NLRP11: variants seen among roughly 807,000 people sequenced by gnomAD.
NLRP11 encodes the protein NACHT, LRR and PYD domains-containing protein 11.
Under a neutral mutation model 79.3 loss-of-function variants are expected in NLRP11, and 53 were observed. The ratio of observed to expected loss-of-function variants is 0.67; its 90% CI spans 0.54 to 0.84. The LOEUF is 0.84. Among genes scored for constraint, NLRP11 ranks in the 40% least tolerant of loss-of-function variants. The probability of loss-of-function intolerance (pLI) is 0.00; values close to 1 mark genes in which losing one functional copy is unlikely to be tolerated. For missense variants in NLRP11, 1,264 were observed against 1,255.0 expected (o/e 1.01, Z -0.11); for synonymous variants, 518 against 462.6 (o/e 1.12, Z -1.54).
chr19:55,800,977 T>A (rs1979419909), intron 5 of NLRP11: 1 of 151,938 alleles, frequency 6.6e-6, no homozygotes, highest in Non-Finnish European at 1.5e-5. Flanking sequence ...GTTGGGAGTT[T>A]GAGACAAGCC....
At chr19:55,815,101 A>G (rs1057138026) in intron 2 of NLRP11, among the ~76,000 whole-genome samples, 6 of 146,812 alleles carry the variant, frequency 4.1e-5, no homozygotes, top group African/African-American at 1.6e-4. Context: ...AGACAGAAAG[A>G]TCAAATTCAG....
At chr19:55,789,460 G>A (rs1990107895) in intron 7 of NLRP11, 61 bp from the exon 8 acceptor site, 1 of 1,479,552 alleles carries the variant, frequency 6.8e-7, no homozygotes, top group East Asian at 2.3e-5. Context: ...TTATTTCACA[G>A]AGTGTTAAGC....
chr19:55,819,968 G>A (rs1981522672), intron 1 of NLRP11, among the ~76,000 whole-genome samples: 1 of 152,134 alleles, frequency 6.6e-6, no homozygotes, highest in Admixed American at 6.5e-5. Context: ...TGGCCATGAA[G>A]TACATGGAAA....
intron 1 of NLRP11, among the ~76,000 whole-genome samples, chr19:55,829,204 T>C (rs1231285450): frequency 1.6e-5 from 2 of 126,744 alleles, no homozygotes; most frequent in Non-Finnish European, 3.2e-5. Context: ...TATTGCATTT[T>C]TTTTTTTTTT....
intron 1 of NLRP11, among the ~76,000 whole-genome samples, chr19:55,820,833 A>G (rs34132451): frequency 6.6e-6 from 1 of 152,128 alleles, no homozygotes; most frequent in African/African-American, 2.4e-5. Flanking sequence ...GTACCCTGAC[A>G]TATGTACATA....
intron 1 of NLRP11, among the ~76,000 whole-genome samples, chr19:55,827,194 G>A (rs1568645652): frequency 7.2e-6 from 1 of 138,518 alleles, no homozygotes; most frequent in Non-Finnish European, 1.5e-5. Flanking sequence ...AATGGTGCTG[G>A]GAAAACTGGC....
At chr19:55,788,148 TG>T (rs1989998684) in intron 9 of NLRP11, among the ~76,000 whole-genome samples, 1 of 152,196 alleles carries the variant, frequency 6.6e-6, no homozygotes. Flanking sequence ...AGGAATCTAA[TG>T]GATTTGGAAA....
intron 2 of NLRP11, among the ~76,000 whole-genome samples, chr19:55,811,672 AG>A (rs966357691): frequency 1.3e-5 from 2 of 152,014 alleles, no homozygotes; most frequent in African/African-American, 4.8e-5. Context: ...TATGACGTTT[AG>A]TATACAATAA....
chr19:55,806,555 A>G (rs1980009363), intron 4 of NLRP11, among the ~76,000 whole-genome samples: 2 of 152,144 alleles, frequency 1.3e-5, no homozygotes, highest in South Asian at 4.1e-4. Context: ...ATTGATTCTC[A>G]CCTGGCAAAT....
intron 1 of NLRP11, among the ~76,000 whole-genome samples, chr19:55,823,072 C>T (rs12986375): frequency 6.1e-5 from 9 of 147,900 alleles, no homozygotes; most frequent in African/African-American, 1.8e-4. Context: ...ATCTGAGAAC[C>T]AGCAGACTGC....
intron 1 of NLRP11, among the ~76,000 whole-genome samples, chr19:55,823,471 C>A (rs1272479259): frequency 7.2e-6 from 1 of 138,774 alleles, no homozygotes; most frequent in Non-Finnish European, 1.5e-5. Context: ...CTCTGAGCTA[C>A]GGGAGGACAT....
chr19:55,800,772 G>A (rs1979404619), intron 5 of NLRP11, among the ~76,000 whole-genome samples: 1 of 152,188 alleles, frequency 6.6e-6, no homozygotes, highest in Non-Finnish European at 1.5e-5. Context: ...TGTTCTCTGT[G>A]AAATACTGGG....
chr19:55,788,479 G>C (rs1218250037), intron 9 of NLRP11, among the ~76,000 whole-genome samples: 1 of 150,794 alleles, frequency 6.6e-6, no homozygotes, highest in African/African-American at 2.4e-5. Flanking sequence ...GGTGGCTCAC[G>C]CCTATAATCC....
At chr19:55,818,125 T>A in exon 2 of NLRP11, 3 of 1,614,046 alleles carry the variant, frequency 1.9e-6, no homozygotes, top group Non-Finnish European at 2.5e-6. Flanking sequence ...GTCACTGAGA[T>A]TCTCTAGATA....
intron 6 of NLRP11, among the ~76,000 whole-genome samples, chr19:55,794,752 TC>T (rs1164411075): frequency 6.6e-6 from 1 of 150,692 alleles, no homozygotes; most frequent in African/African-American, 2.5e-5. Context: ...ACAGCGAGAC[TC>T]CGTCTCAAAA....
chr19:55,813,483 T>A (rs556537910), intron 2 of NLRP11, among the ~76,000 whole-genome samples: 146 of 152,346 alleles, frequency 9.6e-4, no homozygotes, highest in Non-Finnish European at 1.7e-3. Context: ...AGTTTTGTTT[T>A]CCACTGGGAG....
intron 5 of NLRP11, among the ~76,000 whole-genome samples, chr19:55,800,346 C>A (rs1979355506): frequency 6.6e-6 from 1 of 152,128 alleles, no homozygotes. Context: ...GCTCTTGTTG[C>A]CCAGGCTGGA....
rs1249529338 is a variant in NLRP11, at chr19:55,809,724, T to C, written c.886A>G (p.Thr296Ala). 1.2e-6 allele frequency: 2 copies of C among 1,614,208 alleles called. No homozygotes were observed. Among genetic ancestry groups the C allele is most frequent in the African/African-American group, 1.3e-5 (1 of 75,060 alleles). Reference sequence around the variant, plus strand: ...TTCCCATTCGACAGCTGCAAGGTCGTGCAGCAATCTACCTCTTTCAAGAAC... The same window carrying C: ...TTCCCATTCGACAGCTGCAAGGTCGCGCAGCAATCTACCTCTTTCAAGAAC... Residue 296 changes from threonine (T) to alanine (A), a missense_variant, in exon 3 of 10, where the codon ACG becomes GCG. Physicochemically the swap from Thr to Ala is moderately conservative, Grantham distance 58. Coordinates refer to ENST00000589093, the Ensembl canonical transcript of NLRP11. This position sits in a 1 kb window ranked among gnomAD's most constrained non-coding sequence, Gnocchi z 4.5.
At chr19:55,827,742 T>C (rs376726345) in intron 1 of NLRP11, among the ~76,000 whole-genome samples, 1 of 151,448 alleles carries the variant, frequency 6.6e-6, no homozygotes, top group Admixed American at 6.6e-5. Flanking sequence ...GTTAGAATGG[T>C]GATCATTAAA....
Sources: allele counts gnomAD v4.1 joint callset (sites outside exome capture counted in the v4.1 genomes callset), GRCh38; gene constraint gnomAD v4.1.1; non-coding constraint Gnocchi (gnomAD v3.1); transcripts MANE v1.5; gene names NCBI Gene and HGNC (gene_info 2026-07-23, HGNC 2026-07-21).